The following PTH1R variants were observed in gnomAD, a reference collection of about 807,000 sequenced individuals.
The protein encoded by PTH1R is parathyroid hormone 1 receptor.
Under a neutral mutation model 70.7 loss-of-function variants are expected in PTH1R, and 32 were observed. The observed-to-expected ratio is 0.45, with a 90% CI of 0.34 to 0.61. The LOEUF is 0.61. PTH1R is among the 20% of genes least tolerant of loss of function. The pLI is 0.01. For synonymous variants in PTH1R, 329 were observed against 324.8 expected (o/e 1.01, Z -0.14); for missense variants, 626 against 792.5 (o/e 0.79, Z 2.52).
chr3:46,883,394 G>C lies in PTH1R; in HGVS notation c.-48-118G>C, dbSNP rs1400791337. The C allele has an allele frequency of 1.1e-5, 2 of 184,614 alleles. No homozygotes were observed. The highest frequency in any genetic ancestry group is 2.0e-5 in the Non-Finnish European group (2 of 99,302). 11.4% of individuals were successfully genotyped at this position (184,614 alleles called of 1,614,324 possible). On this transcript the variant is annotated intron_variant, in intron 2 of 15. Transcript: ENST00000449590. The surrounding 1 kb of genome is among the most constrained non-coding windows in gnomAD (Gnocchi z 6.4). The stretch of plus-strand genomic sequence containing the variant: ...GCTCGCTCGCTCGCTCGCCCTCAGC[G>C]CATGGGCCCCGCGCCGGGCCCCGGG...
In PTH1R at chr3:46,892,506, C is replaced by T. The variant is rs1199722117; in HGVS notation, c.76-1401C>T. ...ACGCACAGGGACGCGCACGCGGCTCCGCTAAGTGGAACCAGCAGAACCCAA... is the reference window on the plus strand; with the variant it reads ...ACGCACAGGGACGCGCACGCGGCTCTGCTAAGTGGAACCAGCAGAACCCAA... On this transcript the variant is annotated intron_variant, in intron 3 of 15. Transcript: ENST00000449590. This position sits in a 1 kb window ranked among gnomAD's most constrained non-coding sequence, Gnocchi z 5.2. Among the ~76,000 whole-genome samples, 2 of 152,252 alleles carry T rather than the reference C, an allele frequency of 1.3e-5. No homozygotes were observed. Among genetic ancestry groups the T allele is most frequent in the East Asian group, 3.8e-4 (2 of 5,196 alleles).
At chr3:46,886,702 A>G (rs1200899592) in intron 3 of PTH1R, among the ~76,000 whole-genome samples, 2 of 152,214 alleles carry the variant, frequency 1.3e-5, no homozygotes, top group Admixed American at 1.3e-4. Flanking sequence ...TGTACAGAAC[A>G]GTGGCTGTCC....
chr3:46,889,717 TG>T (rs1233722333), intron 3 of PTH1R, among the ~76,000 whole-genome samples: 1 of 151,914 alleles, frequency 6.6e-6, no homozygotes, highest in South Asian at 2.1e-4. Context: ...GGAGGAGTGT[TG>T]GGGGGATATG....
At position 46,883,973 on chromosome 3, in the gene PTH1R, T is replaced by G. The variant is rs1396988790; in HGVS notation, c.75+339T>G. ...ACAGAAGGCTGGGCTTTGGCCCTGCTGCGTACTCCCACAGACTTTGCTTTG... is the reference window on the plus strand; with the variant it reads ...ACAGAAGGCTGGGCTTTGGCCCTGCGGCGTACTCCCACAGACTTTGCTTTG... On this transcript the variant is annotated intron_variant, in intron 3 of 15. Coordinates refer to ENST00000449590, the MANE Select transcript of PTH1R (RefSeq NM_000316.3). The surrounding 1 kb of genome is among the most constrained non-coding windows in gnomAD (Gnocchi z 6.4). Among the ~76,000 whole-genome samples, 2 of 152,268 alleles carry G rather than the reference T, an allele frequency of 1.3e-5. No homozygotes were observed. The highest frequency in any genetic ancestry group is 2.9e-5 in the Non-Finnish European group (2 of 68,046).
chr3:46,893,849 C>G lies in PTH1R; in HGVS notation c.76-58C>G. On this transcript the variant is annotated intron_variant, in intron 3 of 15. Transcript: ENST00000449590. The surrounding 1 kb of genome is among the most constrained non-coding windows in gnomAD (Gnocchi z 5.2). ...GTCCCTCTGGGAAATTGGGATGTCT[C>G]TGGGACCTGCTGCTGCGCCGGAAAG... 1.3e-6 allele frequency: 2 copies of G among 1,538,880 alleles called. No individual in the cohort carries two copies. Among genetic ancestry groups the G allele is most frequent in the South Asian group, 2.3e-5 (2 of 87,134 alleles).
chr3:46,901,986 C>T lies in PTH1R; in HGVS notation c.1211+126C>T. The T allele has an allele frequency of 9.0e-7, 1 of 1,106,694 alleles. No homozygotes were observed. The highest frequency in any genetic ancestry group is 1.6e-5 in the African/African-American group (1 of 64,498). 68.6% of individuals were successfully genotyped at this position (1,106,694 alleles called of 1,614,324 possible). ...GCAAGGGAAAGGACCCAGCGTCTGA[C>T]TCCCTGGCTGTCCTCACCCACCTGG... On this transcript the variant is annotated intron_variant, in intron 13 of 15. Coordinates refer to ENST00000449590, the MANE Select transcript of PTH1R (RefSeq NM_000316.3). The surrounding 1 kb of genome is among the most constrained non-coding windows in gnomAD (Gnocchi z 7.3).
In PTH1R at chr3:46,896,993, A is replaced by C. The variant is rs2031790685; in HGVS notation, c.314-862A>C. ...CTTCCCAATGAGGAAATGGAAATAG[A>C]AAGACTTGGGACACCTGCGTGAGGT... On this transcript the variant is annotated intron_variant, in intron 5 of 15. Transcript: ENST00000449590. The surrounding 1 kb of genome is among the most constrained non-coding windows in gnomAD (Gnocchi z 4.1). 6.6e-6 allele frequency among the ~76,000 whole-genome samples: 1 copy of C among 152,164 alleles called. No individual in the cohort carries two copies.
intron 8 of PTH1R, 56 bp downstream of exon 8, chr3:46,898,528 AG>A (rs1396984436): frequency 1.1e-5 from 17 of 1,604,168 alleles, no homozygotes; most frequent in Non-Finnish European, 8.5e-6. Context: ...GCGGTGGCCG[AG>A]GTCTGATGCG....
chr3:46,886,878 G>A (rs993595342), intron 3 of PTH1R, among the ~76,000 whole-genome samples: 1 of 152,200 alleles, frequency 6.6e-6, no homozygotes, highest in Non-Finnish European at 1.5e-5. Flanking sequence ...CTCAAAAGCA[G>A]CACGAGATTT....
intron 5 of PTH1R, 91 bp downstream of exon 5, chr3:46,895,960 T>C (rs2031727021): frequency 1.0e-5 from 15 of 1,490,524 alleles, no homozygotes; most frequent in Non-Finnish European, 1.4e-5. Flanking sequence ...TCATGCTTCT[T>C]GGCTCTTATA....
Position 46,902,457 on chromosome 3 carries a change from TGGG to T in PTH1R, c.1212-65_1212-63del. 1 of 1,582,892 alleles carries T rather than the reference TGGG, an allele frequency of 6.3e-7. No individual in the cohort carries two copies. The highest frequency in any genetic ancestry group is 8.6e-7 in the Non-Finnish European group (1 of 1,165,500). ...CTTCCGGAGCCTGGGGCTCGCAGGG[TGGG>T]GGGTGGCACAATGCTTGTTGAAGGG... On this transcript the variant is annotated intron_variant, in intron 13 of 15. Coordinates refer to ENST00000449590, the MANE Select transcript of PTH1R (RefSeq NM_000316.3). This position sits in a 1 kb window ranked among gnomAD's most constrained non-coding sequence, Gnocchi z 5.4.
Position 46,898,676 on chromosome 3 carries a change from C to G in PTH1R, c.653C>G (p.Thr218Arg). ...GCGCCCCGCAGGCGGCTGCACTGCA[C>G]GCGCAACTACATCCACATGCACCTG... ...ILAYFRRLHC[T>R]RNYIHMHLFL... Residue 218 changes from threonine to arginine, a missense_variant, in exon 9 of 16, where the codon ACG (threonine) becomes AGG (arginine). Physicochemically the swap from Thr to Arg is moderately conservative, Grantham distance 71. Coordinates refer to ENST00000449590, the MANE Select transcript of PTH1R (RefSeq NM_000316.3). 6.2e-7 allele frequency: 1 copy of G among 1,612,412 alleles called. No homozygotes were observed. Among genetic ancestry groups the G allele is most frequent in the Non-Finnish European group, 8.5e-7 (1 of 1,179,772 alleles).
intron 8 of PTH1R, 50 bp downstream of exon 8, chr3:46,898,522 T>C (rs1490636751): frequency 1.2e-6 from 2 of 1,605,298 alleles, no homozygotes. Context: ...GGGGGGGCGG[T>C]GGCCGAGGTC....
chr3:46,899,217 C>A, intron 9 of PTH1R, 86 bp from the exon 10 acceptor site: 1 of 1,581,702 alleles, frequency 6.3e-7, no homozygotes, highest in Non-Finnish European at 8.6e-7. Context: ...ACCACTTGTC[C>A]TCTCCTGCCG....
intron 3 of PTH1R, among the ~76,000 whole-genome samples, chr3:46,889,286 C>T (rs2031244479): frequency 6.6e-6 from 1 of 152,212 alleles, no homozygotes; most frequent in African/African-American, 2.4e-5. Flanking sequence ...CTGGCATCAC[C>T]GGCACCTTTA....
intron 4 of PTH1R, among the ~76,000 whole-genome samples, chr3:46,894,413 T>C (rs1026125704): frequency 6.6e-6 from 1 of 151,910 alleles, no homozygotes; most frequent in Admixed American, 6.5e-5. Context: ...ACAAACACAC[T>C]CTGTGGCACA....
At position 46,902,752 on chromosome 3, in the gene PTH1R, T is replaced by C. The variant is rs553021639; in HGVS notation, c.1357T>C (p.Phe453Leu). The change falls in exon 15 of 16, where the codon TTT (phenylalanine) becomes CTT (leucine). Residue 453 changes from phenylalanine to leucine, a missense_variant. Physicochemically the swap from Phe to Leu is conservative, Grantham distance 22 (BLOSUM62 0). Around this residue, in one of 3 missense-constraint regions of PTH1R, gnomAD observed 495 missense variants for 638.7 expected, o/e 0.77. Coordinates refer to ENST00000449590, the MANE Select transcript of PTH1R (RefSeq NM_000316.3). The surrounding 1 kb of genome is among the most constrained non-coding windows in gnomAD (Gnocchi z 5.4). ...TTCGAGACACCCCTCTTCACAGGGA[T>C]TTTTTGTCGCAATCATATACTGTTT... ...YEMLFNSFQG[F>L]FVAIIYCFCN... is the part of the protein sequence containing the mutation. The C allele has an allele frequency of 1.2e-5, 19 of 1,613,836 alleles. No homozygotes were observed. The South Asian group carries it at 1.9e-4, about 16-fold the overall frequency.
In PTH1R at chr3:46,883,445, T is replaced by TCCCATAGGCCGGGGC. The variant is rs1229159940; in HGVS notation, c.-48-66_-48-52dup. 11 of 814,274 alleles carry TCCCATAGGCCGGGGC rather than the reference T, an allele frequency of 1.4e-5. No homozygotes were observed. Among genetic ancestry groups the TCCCATAGGCCGGGGC allele is most frequent in the Non-Finnish European group, 1.7e-5 (11 of 632,764 alleles). 50.4% of individuals were successfully genotyped at this position (814,274 alleles called of 1,614,324 possible). The stretch of plus-strand genomic sequence containing the variant: ...GCCTCGGGCCGCCGGGACGCCGGGG[T>TCCCATAGGCCGGGGC]CCCATAGGCCGGGGCGTGGGCGGGG... On this transcript the variant is annotated intron_variant, in intron 2 of 15. Coordinates refer to ENST00000449590, the MANE Select transcript of PTH1R (RefSeq NM_000316.3). The surrounding 1 kb of genome is among the most constrained non-coding windows in gnomAD (Gnocchi z 6.4).
intron 3 of PTH1R, among the ~76,000 whole-genome samples, chr3:46,886,780 C>A (rs552209141): frequency 6.6e-6 from 1 of 152,190 alleles, no homozygotes; most frequent in Non-Finnish European, 1.5e-5. Context: ...GTGATTTCTA[C>A]GCTAAAGGGC....
Sources: gnomAD v4.1 joint callset for allele counts (sites outside exome capture counted in the v4.1 genomes callset) on GRCh38, gnomAD v4.1.1 for gene constraint, gnomAD v4.1.1 regional missense constraint, Gnocchi (gnomAD v3.1) non-coding constraint, MANE v1.5 for transcripts, NCBI Gene and HGNC (gene_info 2026-07-23, HGNC 2026-07-21) for gene names.